DPP10: variants seen among roughly 807,000 people sequenced by gnomAD.
DPP10 encodes the protein inactive dipeptidyl peptidase 10.
Under a neutral mutation model 120.9 loss-of-function variants are expected in DPP10, and 33 were observed. The ratio of observed to expected loss-of-function variants is 0.27; its 90% CI spans 0.21 to 0.37. DPP10 has a LOEUF of 0.37. Among genes scored for constraint, DPP10 ranks in the 10% least tolerant of loss-of-function variants. The probability of loss-of-function intolerance (pLI) is 1.00; values close to 1 mark genes in which losing one functional copy is unlikely to be tolerated. For synonymous variants in DPP10, 337 were observed against 326.1 expected (o/e 1.03, Z -0.36); for missense variants, 816 against 942.8 (o/e 0.87, Z 1.76).
chr2:115,004,891 G>C (rs374981757), intron 1 of DPP10, among the ~76,000 whole-genome samples: 75 of 152,094 alleles, frequency 4.9e-4, no homozygotes, highest in Admixed American at 2.8e-3. Flanking sequence ...CTGCCTGCCT[G>C]TGTAGGCTCC....
intron 1 of DPP10, among the ~76,000 whole-genome samples, chr2:115,088,959 G>A (rs1412784362): frequency 6.6e-6 from 1 of 151,920 alleles, no homozygotes; most frequent in African/African-American, 2.4e-5. Flanking sequence ...ACCATCCCTT[G>A]ACTTCCACAA....
intron 1 of DPP10, among the ~76,000 whole-genome samples, chr2:114,838,953 A>G (rs1687946552): frequency 6.6e-6 from 1 of 152,200 alleles, no homozygotes; most frequent in Non-Finnish European, 1.5e-5. Flanking sequence ...AATGTAAATT[A>G]TATTTTACAT....
chr2:115,588,027 T>C (rs548074549), intron 5 of DPP10, among the ~76,000 whole-genome samples: 6 of 152,316 alleles, frequency 3.9e-5, no homozygotes, highest in African/African-American at 1.4e-4. Context: ...ATGTAAACTA[T>C]TATACTTTTT....
At chr2:115,206,722 T>C (rs2056158754) in intron 1 of DPP10, among the ~76,000 whole-genome samples, 1 of 152,208 alleles carries the variant, frequency 6.6e-6, no homozygotes, top group East Asian at 1.9e-4. Context: ...TAGCTTGGTT[T>C]ACTCCTCTAT....
chr2:115,070,210 G>T (rs1374004128), intron 1 of DPP10, among the ~76,000 whole-genome samples: 3 of 151,972 alleles, frequency 2.0e-5, no homozygotes, highest in African/African-American at 7.2e-5. Flanking sequence ...TTGTGTTTAG[G>T]ACTATGCTTG....
intron 1 of DPP10, among the ~76,000 whole-genome samples, chr2:115,219,360 A>G (rs925873044): frequency 6.6e-6 from 1 of 152,050 alleles, no homozygotes; most frequent in Non-Finnish European, 1.5e-5. Flanking sequence ...AATCATGAGC[A>G]TGGTTCAAGA....
chr2:115,764,460 C>G (rs1680483385), intron 12 of DPP10, among the ~76,000 whole-genome samples: 1 of 151,898 alleles, frequency 6.6e-6, no homozygotes, highest in African/African-American at 2.4e-5. Context: ...TAATAATAGA[C>G]TCACAAATTT....
chr2:115,750,223 G>A (rs1300731098), intron 10 of DPP10: 2 of 984,434 alleles, frequency 2.0e-6, no homozygotes, highest in African/African-American at 3.5e-5. Flanking sequence ...CCCTCATTCA[G>A]AGACAGCCTG....
intron 5 of DPP10, among the ~76,000 whole-genome samples, chr2:115,569,441 G>C (rs2081209715): frequency 6.6e-6 from 1 of 152,168 alleles, no homozygotes; most frequent in African/African-American, 2.4e-5. Context: ...CATTGGTCTT[G>C]AAAATTAATT....
chr2:115,405,884 A>C (rs1001018220), intron 3 of DPP10, among the ~76,000 whole-genome samples: 1 of 152,170 alleles, frequency 6.6e-6, no homozygotes, highest in Non-Finnish European at 1.5e-5. Context: ...CTCTGGGCCT[A>C]AGATAGGAGA....
chr2:115,098,846 A>T (rs1175276270), intron 1 of DPP10, among the ~76,000 whole-genome samples: 2 of 152,182 alleles, frequency 1.3e-5, no homozygotes, highest in Non-Finnish European at 2.9e-5. Flanking sequence ...AGTGCTTCTG[A>T]AGATCTGGGT....
intron 1 of DPP10, among the ~76,000 whole-genome samples, chr2:114,535,672 T>C (rs1004761340): frequency 2.0e-5 from 3 of 152,338 alleles, no homozygotes; most frequent in Non-Finnish European, 2.9e-5. Context: ...GTATTTTCCC[T>C]GCTGCAAATC....
At chr2:115,672,090 G>T (rs1268913915) in intron 5 of DPP10, among the ~76,000 whole-genome samples, 1 of 152,138 alleles carries the variant, frequency 6.6e-6, no homozygotes, top group Non-Finnish European at 1.5e-5. Flanking sequence ...GTAGAAATAT[G>T]TGCATTTTCT....
chr2:115,761,073 G>A lies in DPP10; in HGVS notation c.1075-1499G>A, dbSNP rs568372462. On this transcript the variant is annotated intron_variant, in intron 11 of 25. Transcript: ENST00000410059. The stretch of plus-strand genomic sequence containing the variant: ...GATCGGGCCACTGCACTCCAGCCTG[G>A]GCAACAAAGCAAGACTTTGTCTCAA... Among the ~76,000 whole-genome samples the A allele has an allele frequency of 4.7e-5, 7 of 148,134 alleles. No homozygotes were observed. The East Asian group carries it at 1.4e-3, about 30-fold the overall frequency.
intron 1 of DPP10, among the ~76,000 whole-genome samples, chr2:114,999,050 A>G (rs1335558324): frequency 6.6e-6 from 1 of 152,194 alleles, no homozygotes; most frequent in Non-Finnish European, 1.5e-5. Context: ...CCAATGCTTG[A>G]AGCACTTTTT....
chr2:115,745,832 C>G (rs2149715404), intron 9 of DPP10, among the ~76,000 whole-genome samples: 1 of 152,196 alleles, frequency 6.6e-6, no homozygotes, highest in East Asian at 1.9e-4. Flanking sequence ...CACAGAAGCA[C>G]TGCCTAATGA....
chr2:115,324,915 G>T (rs887177398), intron 2 of DPP10, among the ~76,000 whole-genome samples: 1 of 152,022 alleles, frequency 6.6e-6, no homozygotes, highest in African/African-American at 2.4e-5. Context: ...GGAATAAGGG[G>T]GCCTGAAGAG....
intron 1 of DPP10, among the ~76,000 whole-genome samples, chr2:114,634,943 T>G (rs1040145199): frequency 1.3e-5 from 2 of 151,892 alleles, no homozygotes; most frequent in Non-Finnish European, 2.9e-5. Flanking sequence ...GGTTTGATAA[T>G]TTATGGTTTC....
chr2:115,652,928 C>A (rs1488946660), intron 5 of DPP10, among the ~76,000 whole-genome samples: 1 of 151,910 alleles, frequency 6.6e-6, no homozygotes, highest in East Asian at 1.9e-4. Context: ...GTAAAACTAA[C>A]CATCACAATT....
Sources: gnomAD v4.1 joint callset for allele counts (sites outside exome capture counted in the v4.1 genomes callset) on GRCh38, gnomAD v4.1.1 for gene constraint, MANE v1.5 for transcripts, NCBI Gene and HGNC (gene_info 2026-07-23, HGNC 2026-07-21) for gene names.